MIIP: variants seen among roughly 807,000 people sequenced by gnomAD.
MIIP encodes migration and invasion-inhibitory protein.
Under a neutral mutation model 44.8 loss-of-function variants are expected in MIIP, and 44 were observed. That is an observed-to-expected ratio of 0.98 (90% CI 0.77 to 1.26). The LOEUF is 1.26. MIIP is among the 50% of genes most tolerant of loss of function. The pLI, the probability that MIIP is intolerant of heterozygous loss-of-function variation, is 0.00. For synonymous variants in MIIP, 225 were observed against 218.3 expected, an observed-to-expected ratio of 1.03 and a Z score of -0.27; for missense variants, 496 against 511.7, an observed-to-expected ratio of 0.97 and a Z score of 0.30.
intron 1 of MIIP, among the ~76,000 whole-genome samples, chr1:12,020,842 C>T (rs1639958507): frequency 6.6e-6 from 1 of 152,198 alleles, no homozygotes; most frequent in Non-Finnish European, 1.5e-5. Context: ...TGCCACCACG[C>T]CCGGCTAATT....
At chr1:12,023,031 C>T in intron 4 of MIIP, 114 bp downstream of exon 4, 3 of 741,496 alleles carry the variant, frequency 4.0e-6, no homozygotes, top group Non-Finnish European at 6.7e-6. Context: ...GTTTCTCTGA[C>T]CGTGCCATCC....
chr1:12,030,193 G>A (rs1640207043), intron 8 of MIIP, 69 bp downstream of exon 8: 2 of 1,462,980 alleles, frequency 1.4e-6, no homozygotes, highest in Admixed American at 1.7e-5. Context: ...GATCCCCAGG[G>A]AGGGTCACAG....
At position 12,032,019 on chromosome 1, in the gene MIIP, A is replaced by G. The variant is rs1047165998; in HGVS notation, c.*211A>G. On this transcript the variant is annotated 3_prime_UTR_variant, in exon 10 of 10. Transcript: ENST00000235332. ...GTGAGGGATTCTGTGGAAGTTTGTA[A>G]ATAAAGCTCAGTGCTCTGCAGCTCA... 6 of 595,702 alleles carry G rather than the reference A, an allele frequency of 1.0e-5. No individual in the cohort carries two copies. In the African/African-American group the frequency reaches 1.1e-4, roughly 11 times the overall value. 36.9% of individuals were successfully genotyped at this position (595,702 alleles called of 1,614,324 possible). A position where few individuals can be genotyped will look rare whatever the true frequency, so the allele number is the denominator to read the frequency against.
At chr1:12,027,502 C>T (rs114074050) in intron 4 of MIIP, among the ~76,000 whole-genome samples, 21 of 152,150 alleles carry the variant, frequency 1.4e-4, no homozygotes, top group Non-Finnish European at 1.5e-5. Context: ...ACTTGCTTCC[C>T]GGTTCTCCCC....
chr1:12,021,413 AC>A (rs1414594483), intron 1 of MIIP, among the ~76,000 whole-genome samples: 60 of 152,190 alleles, frequency 3.9e-4, no homozygotes, highest in African/African-American at 1.4e-3. Context: ...AAACAAAAAA[AC>A]AAAACAAAAA....
chr1:12,031,491 G>A, intron 9 of MIIP, 88 bp downstream of exon 9: 2 of 1,565,502 alleles, frequency 1.3e-6, no homozygotes, highest in East Asian at 2.3e-5. Context: ...AGCCTCCTGG[G>A]GGGTAGGATT....
At position 12,022,199 on chromosome 1, in the gene MIIP, G is replaced by GT; in HGVS notation, c.220dup (p.Trp74LeufsTer13). 1 of 1,613,492 alleles carries GT rather than the reference G, an allele frequency of 6.2e-7. No individual in the cohort carries two copies. Among genetic ancestry groups the GT allele is most frequent in the Non-Finnish European group, 8.5e-7 (1 of 1,179,744 alleles). ...CCTGCCCACGGGGCCGGTCCTCCGT[G>GT]TGGGGCCCACCAGATGCCTGTCGAG... is the stretch of plus-strand genomic sequence containing the variant. On this transcript the variant is annotated frameshift_variant, in exon 3 of 10. Transcript: ENST00000235332. LOFTEE classifies it high-confidence loss of function.
chr1:12,031,541 G>A (rs190234133), intron 9 of MIIP, 138 bp downstream of exon 9: 3 of 1,567,528 alleles, frequency 1.9e-6, no homozygotes, highest in Non-Finnish European at 2.6e-6. Context: ...CTCTCTGCAG[G>A]GTCCAGCCCT....
In MIIP at chr1:12,031,778, T is replaced by TCGGCCCCACGTCCCA; in HGVS notation, c.1142_1156dup (p.Pro381_Arg385dup). Reference sequence around the variant, plus strand: ...CGACCTGGTCAGTGCCCCAGGTCCCTCGGCCCCACGTCCCACGGCAGAAGC... The same window carrying TCGGCCCCACGTCCCA: ...CGACCTGGTCAGTGCCCCAGGTCCCTCGGCCCCACGTCCCACGGCCCCACGTCCCACGGCAGAAGC... On this transcript the variant is annotated inframe_insertion, in exon 10 of 10. Transcript: ENST00000235332. 1 of 1,613,880 alleles carries TCGGCCCCACGTCCCA rather than the reference T, an allele frequency of 6.2e-7. No homozygotes were observed. Among genetic ancestry groups the TCGGCCCCACGTCCCA allele is most frequent in the Non-Finnish European group, 8.5e-7 (1 of 1,179,926 alleles).
chr1:12,029,983 C>T, intron 7 of MIIP, 45 bp from the exon 8 acceptor site: 1 of 1,609,862 alleles, frequency 6.2e-7, no homozygotes, highest in South Asian at 1.1e-5. Context: ...GGGCCCCCAA[C>T]CGCTGGGAGG....
At chr1:12,019,590 G>C (rs1405202083) in intron 1 of MIIP, 38 bp downstream of exon 1, 1 of 152,576 alleles carries the variant, frequency 6.6e-6, no homozygotes, top group Non-Finnish European at 1.5e-5. Context: ...GGGGCGGAAG[G>C]GCTCGGCAGG....
intron 6 of MIIP, chr1:12,029,514 C>A: frequency 1.5e-6 from 1 of 686,416 alleles, no homozygotes; most frequent in Non-Finnish European, 2.4e-6. Context: ...ACCATCCCAC[C>A]CTCCCCAGCA....
intron 8 of MIIP, among the ~76,000 whole-genome samples, chr1:12,030,911 T>C (rs1298825262): frequency 6.6e-6 from 1 of 152,180 alleles, no homozygotes; most frequent in Non-Finnish European, 1.5e-5. Context: ...GTCAGTTTGC[T>C]GGTCCGTAAA....
rs534553378 is a variant in MIIP at position 12,031,803 on chromosome 1, C to T, written c.1162C>T (p.Pro388Ser). ...TCGGCCCCACGTCCCACGGCAGAAGCCCTGAGGACTGACTCCTGGGGGAGA... is the reference window on the plus strand; with the variant it reads ...TCGGCCCCACGTCCCACGGCAGAAGTCCTGAGGACTGACTCCTGGGGGAGA... ...VPRPHVPRQK[P>S] Residue 388 changes from proline to serine, a missense_variant, in exon 10 of 10, where the codon CCC becomes TCC. Physicochemically the swap from Pro to Ser is moderately conservative, Grantham distance 74. Transcript: ENST00000235332. 1.7e-5 allele frequency: 27 copies of T among 1,613,688 alleles called. No homozygotes were observed. In the East Asian group the frequency reaches 5.3e-4, roughly 32 times the overall value.
chr1:12,022,707 TGGCTGAGCCCTG>T lies in MIIP; in HGVS notation c.463-120_463-109del, dbSNP rs1640009187. ...GTTTCCCTTCTTGCTCTTGTGCCCT[TGGCTGAGCCCTG>T]GGCTGCAAGTCAGGGTGTAAGTTAA... On this transcript the variant is annotated intron_variant, in intron 3 of 9. Coordinates refer to ENST00000235332, the MANE Select transcript of MIIP (RefSeq NM_021933.4). The T allele has an allele frequency of 5.2e-6, 4 of 771,942 alleles. No homozygotes were observed. In the Admixed American group the frequency reaches 1.0e-4, roughly 20 times the overall value. The allele number at this position is 771,942 out of a possible 1,614,324, so 47.8% of individuals were successfully genotyped here.
Position 12,030,021 on chromosome 1 carries a change from T to G in MIIP, c.846-7T>G. On this transcript the variant is annotated splice_region_variant and splice_polypyrimidine_tract_variant and intron_variant, in intron 7 of 9. Transcript: ENST00000235332. ...CCTCAGGGGTCCCCCACTGCCCCCC[T>G]GCGCAGGGTGAGCATCCCGCTGTCG... is the stretch of plus-strand genomic sequence containing the variant. The G allele has an allele frequency of 1.9e-6, 3 of 1,613,136 alleles. No homozygotes were observed. Among genetic ancestry groups the G allele is most frequent in the Non-Finnish European group, 2.5e-6 (3 of 1,179,662 alleles).
In MIIP at chr1:12,029,112, CAAG is replaced by C; in HGVS notation, c.628_630del (p.Lys210del). The C allele has an allele frequency of 4.3e-6, 7 of 1,614,144 alleles. No individual in the cohort carries two copies. The highest frequency in any genetic ancestry group is 5.9e-6 in the Non-Finnish European group (7 of 1,179,992). ...AGCTGCAGGAGTTTCGGGAAACCAA[CAAG>C]GAGGAGTGTATCTGCAGCCATCCTG... is the stretch of plus-strand genomic sequence containing the variant. On this transcript the variant is annotated inframe_deletion, in exon 5 of 10. Coordinates refer to ENST00000235332, the MANE Select transcript of MIIP (RefSeq NM_021933.4).
rs756662582 is a variant in MIIP at position 12,022,933 on chromosome 1, G to T, written c.547+16G>T. 2 of 1,595,036 alleles carry T rather than the reference G, an allele frequency of 1.3e-6. No homozygotes were observed. Among genetic ancestry groups the T allele is most frequent in the South Asian group, 2.3e-5 (2 of 88,514 alleles). ...TGGATTGCAGGTAAGGCGTGCTGTTGCCCTGCACACACTTTGCCTGGGAGT... is the reference window on the plus strand; with the variant it reads ...TGGATTGCAGGTAAGGCGTGCTGTTTCCCTGCACACACTTTGCCTGGGAGT... On this transcript the variant is annotated intron_variant, in intron 4 of 9. Coordinates refer to ENST00000235332, the MANE Select transcript of MIIP (RefSeq NM_021933.4).
chr1:12,028,843 A>G, intron 4 of MIIP, 190 bp from the exon 5 acceptor site: 2 of 595,300 alleles, frequency 3.4e-6, no homozygotes, highest in Non-Finnish European at 6.0e-6. Context: ...GCATCAGGGT[A>G]GACAGACACT....
Sources: allele counts gnomAD v4.1 joint callset (sites outside exome capture counted in the v4.1 genomes callset), GRCh38; gene constraint gnomAD v4.1.1; transcripts MANE v1.5; gene names NCBI Gene and HGNC (gene_info 2026-07-23, HGNC 2026-07-21).